Variants in GIGYF1 observed in about 807,000 individuals in gnomAD.
The protein encoded by GIGYF1 is GRB10-interacting GYF protein 1.
In GIGYF1, 84 loss-of-function variants were observed where a neutral mutation model predicts 147.1. The ratio of observed to expected loss-of-function variants is 0.57; its 90% confidence interval spans 0.48 to 0.68. The LOEUF (loss-of-function observed/expected upper bound fraction) is 0.68. Among genes scored for constraint, GIGYF1 ranks in the 30% least tolerant of loss-of-function variants. The pLI, the probability that GIGYF1 is intolerant of heterozygous loss-of-function variation, is 0.00. For synonymous variants in GIGYF1, 752 were observed against 589.5 expected (o/e 1.28, Z -3.99); for missense variants, 1,485 against 1,393.7 (o/e 1.07, Z -1.04).
chr7:100,685,230 G>A (rs1463710028), intron 13 of GIGYF1, 84 bp from the exon 14 acceptor site: 3 of 1,516,618 alleles, frequency 2.0e-6, no homozygotes, highest in Admixed American at 1.9e-5. Flanking sequence ...AGAACACCAC[G>A]CTCTTGCCAT....
Position 100,688,733 on chromosome 7 carries a change from G to A in GIGYF1, c.-276C>T, listed in dbSNP as rs1005730422. ...TGGGAAAGACCCTTAAGGAGAGCAG[G>A]GGGGAGGAGGGAGGGTTCAGGACAT... is the stretch of plus-strand genomic sequence containing the variant. On this transcript the variant is annotated 5_prime_UTR_variant, in exon 2 of 27. Transcript: ENST00000678049. 6.1e-6 allele frequency: 2 copies of A among 328,834 alleles called. No homozygotes were observed. The highest frequency in any genetic ancestry group is 3.9e-5 in the Admixed American group (1 of 25,592). The allele number at this position is 328,834 out of a possible 1,614,324, so 20.4% of individuals were successfully genotyped here. A position where few individuals can be genotyped will look rare whatever the true frequency, so the allele number is the denominator to read the frequency against.
Position 100,681,666 on chromosome 7 carries a change from A to G in GIGYF1, c.*53T>C. 1 of 1,497,344 alleles carries G rather than the reference A, an allele frequency of 6.7e-7. No individual in the cohort carries two copies. The highest frequency in any genetic ancestry group is 8.9e-7 in the Non-Finnish European group (1 of 1,119,444). The allele number at this position is 1,497,344 out of a possible 1,614,324, so 92.8% of individuals were successfully genotyped here. A position where few individuals can be genotyped will look rare whatever the true frequency, so the allele number is the denominator to read the frequency against. ...GCCTGCAGGCTGGGACCCTCGGTCC[A>G]CGCCGCTGTGGCTGCCCTGGCCTAC... On this transcript the variant is annotated 3_prime_UTR_variant, in exon 27 of 27. Coordinates refer to ENST00000678049, the MANE Select transcript of GIGYF1 (RefSeq NM_001375765.1).
rs1383561814 is a variant in GIGYF1 at position 100,688,644 on chromosome 7, G to A, written c.-187C>T. 4.7e-6 allele frequency: 2 copies of A among 427,418 alleles called. No homozygotes were observed. Among genetic ancestry groups the A allele is most frequent in the Admixed American group, 2.8e-5 (1 of 36,362 alleles). The allele number at this position is 427,418 out of a possible 1,614,324, so 26.5% of individuals were successfully genotyped here. On this transcript the variant is annotated 5_prime_UTR_variant, in exon 2 of 27. Coordinates refer to ENST00000678049, the MANE Select transcript of GIGYF1 (RefSeq NM_001375765.1). ...GGCAGGGGCTGGTGCTGGAGTGAAC[G>A]AGGGTACCCAAGCCACTGGGAATTG...
Position 100,693,374 on chromosome 7 carries a change from G to C in GIGYF1, c.-1099+736C>G, listed in dbSNP as rs540382974. Among the ~76,000 whole-genome samples the C allele has an allele frequency of 9.3e-4, 142 of 152,290 alleles. 2 individuals carry two copies. The highest frequency in any genetic ancestry group is 1.3e-3 in the Non-Finnish European group (90 of 68,020). On this transcript the variant is annotated intron_variant, in intron 1 of 26. Transcript: ENST00000678049. ...GCACGGAGGGGCATGAGCTGAGAAG[G>C]GCCTGGCCTGGGACGGGGAGGACAA...
chr7:100,683,952 A>C (rs1805054326), intron 18 of GIGYF1, 34 bp from the exon 19 acceptor site: 8 of 1,564,732 alleles, frequency 5.1e-6, no homozygotes, highest in Non-Finnish European at 6.9e-6. Flanking sequence ...TAGGACCCCA[A>C]ATCCATCTCT....
chr7:100,690,919 G>C (rs965738975), intron 1 of GIGYF1, among the ~76,000 whole-genome samples: 7 of 152,014 alleles, frequency 4.6e-5, no homozygotes, highest in Non-Finnish European at 8.8e-5. Context: ...GGCACACAAA[G>C]GGGGAATGGT....
chr7:100,683,153 C>T lies in GIGYF1; in HGVS notation c.2271G>A (p.Pro757=), dbSNP rs752780672. Residue 757 remains proline (P), a synonymous_variant, in exon 22 of 27, where the codon CCG becomes CCA. Transcript: ENST00000678049. ...AVPVPPAPSS[P]PPLWAGLAKQ... is the part of the protein sequence containing the mutation. ...TGGCCAGGCCAGCCCAGAGTGGGGG[C>T]GGGGAGCTGGGTGCGGGGGGCACAG... 105 of 1,599,174 alleles carry T rather than the reference C, an allele frequency of 6.6e-5. No homozygotes were observed. Among genetic ancestry groups the T allele is most frequent in the Non-Finnish European group, 8.0e-5 (94 of 1,176,754 alleles).
intron 1 of GIGYF1, 145 bp downstream of exon 1, chr7:100,693,965 G>C (rs1483269054): frequency 1.3e-5 from 2 of 150,366 alleles, no homozygotes; most frequent in Admixed American, 6.6e-5. Flanking sequence ...GGGAGGAGAC[G>C]GGGGAGGGTC....
rs772012302 is a variant in GIGYF1 at position 100,682,251 on chromosome 7, A to AGGCTGTCAGGGCCAGGG, written c.2762-17_2762-16insCCCTGGCCCTGACAGCC. 7 of 1,609,056 alleles carry AGGCTGTCAGGGCCAGGG rather than the reference A, an allele frequency of 4.4e-6. No homozygotes were observed. In the South Asian group the frequency reaches 6.6e-5, roughly 15 times the overall value. On this transcript the variant is annotated splice_polypyrimidine_tract_variant and intron_variant, in intron 24 of 26. Coordinates refer to ENST00000678049, the MANE Select transcript of GIGYF1 (RefSeq NM_001375765.1). ...GCCATGGGCACTGCAGGATGAGCGA[A>AGGCTGTCAGGGCCAGGG]GGCTGTCAGGGCCCCCTGGCCGGGT...
rs1805630630 is a variant in GIGYF1, at chr7:100,689,088, AG to A, written c.-632del. The A allele has an allele frequency of 6.5e-6, 1 of 152,698 alleles. No individual in the cohort carries two copies. Among genetic ancestry groups the A allele is most frequent in the African/African-American group, 2.4e-5 (1 of 41,440 alleles). The allele number at this position is 152,698 out of a possible 1,614,324, so 9.5% of individuals were successfully genotyped here. On this transcript the variant is annotated 5_prime_UTR_variant, in exon 2 of 27. Transcript: ENST00000678049. Reference sequence around the variant, plus strand: ...GTTGGCTGCTCAGAAGCTCAAATCCAGGGGCTTGGTCTGGGGAGAAACCCAG... The same window carrying A: ...GTTGGCTGCTCAGAAGCTCAAATCCAGGGCTTGGTCTGGGGAGAAACCCAG...
rs1461077988 is a variant in GIGYF1 at position 100,682,701 on chromosome 7, T to A, written c.2489A>T (p.Lys830Met). The stretch of plus-strand genomic sequence containing the variant: ...CAGGCCGCTGCTGCCGCCCCCACTC[T>A]TGTCTGGCCCGCCCCACAGTGGCCC... ...EAGPLWGGPD[K>M]SGGGSSGLGL... Residue 830 changes from lysine to methionine, a missense_variant, in exon 23 of 27, where the codon AAG becomes ATG. Physicochemically the swap from Lys to Met is moderately conservative, Grantham distance 95. Transcript: ENST00000678049. 1.3e-6 allele frequency: 2 copies of A among 1,592,612 alleles called. No individual in the cohort carries two copies. Among genetic ancestry groups the A allele is most frequent in the African/African-American group, 2.7e-5 (2 of 74,394 alleles).
rs1262110636 is a variant in GIGYF1 at position 100,684,298 on chromosome 7, G to C, written c.1669C>G (p.Leu557Val). The C allele has an allele frequency of 6.2e-7, 1 of 1,602,922 alleles. No homozygotes were observed. Among genetic ancestry groups the C allele is most frequent in the Admixed American group, 1.7e-5 (1 of 58,386 alleles). The change falls in exon 17 of 27, where the codon CTG becomes GTG. Residue 557 changes from leucine (L) to valine (V), a missense_variant. Leu to Val is a conservative substitution (Grantham distance 32). Coordinates refer to ENST00000678049, the MANE Select transcript of GIGYF1 (RefSeq NM_001375765.1). ...DQERLKKQQELAAAALYQQLQ... is the reference protein window; with the variant it reads ...DQERLKKQQEVAAAALYQQLQ... ...TGCTGGTACAAGGCCGCCGCGGCCA[G>C]CTCCTGTTGCTTCTTCAGCCGCTCC... is the stretch of plus-strand genomic sequence containing the variant.
Position 100,683,076 on chromosome 7 carries a change from C to T in GIGYF1, c.2348G>A (p.Arg783Gln), listed in dbSNP as rs529705193. The T allele has an allele frequency of 4.8e-5, 76 of 1,581,568 alleles. No homozygotes were observed. Among genetic ancestry groups the T allele is most frequent in the Middle Eastern group, 1.8e-4 (1 of 5,698 alleles). ...TLLELQLEGE[R>Q]QLHKQPPPRE... ...AGGTGGGGGCTGTTTGTGCAGCTGC[C>T]GCTCGCCCTCCAGCTGCAACTCCAG... The change falls in exon 22 of 27, where the codon CGG (arginine) becomes CAG (glutamine). Residue 783 changes from arginine (R) to glutamine (Q), a missense_variant. Arg to Gln is a conservative substitution (Grantham distance 43). Transcript: ENST00000678049.
intron 1 of GIGYF1, among the ~76,000 whole-genome samples, chr7:100,690,405 G>A (rs1419733128): frequency 1.3e-5 from 2 of 152,196 alleles, no homozygotes; most frequent in African/African-American, 4.8e-5. Flanking sequence ...CACTGTGGGA[G>A]GCTTGAAGAG....
At chr7:100,683,529 A>G in intron 20 of GIGYF1, 21 bp downstream of exon 20, 1 of 1,613,508 alleles carries the variant, frequency 6.2e-7, no homozygotes, top group Non-Finnish European at 8.5e-7. Context: ...CCAGGGCCTC[A>G]GCCCCAGGAT....
intron 10 of GIGYF1, 31 bp downstream of exon 10, chr7:100,686,618 C>A: frequency 6.3e-7 from 1 of 1,588,740 alleles, no homozygotes; most frequent in Non-Finnish European, 8.5e-7. Context: ...TCCCCACTGC[C>A]CCCGCCAATG....
Position 100,681,930 on chromosome 7 carries a change from C to T in GIGYF1, c.2989G>A (p.Gly997Ser), listed in dbSNP as rs140690707. The change falls in exon 26 of 27, where the codon GGC becomes AGC. Residue 997 changes from glycine (G) to serine (S), a missense_variant. Physicochemically the swap from Gly to Ser is moderately conservative, Grantham distance 56 (BLOSUM62 0). Coordinates refer to ENST00000678049, the MANE Select transcript of GIGYF1 (RefSeq NM_001375765.1). ...TTGGCCTTGCTGCCCTCCCCGGGGCCGAGTTTGGTGCTGTGGTTGGCCTGG... is the reference window on the plus strand; with the variant it reads ...TTGGCCTTGCTGCCCTCCCCGGGGCTGAGTTTGGTGCTGTGGTTGGCCTGG... ...AFQANHSTKL[G>S]PGEGSKAKRR... 151 of 1,610,300 alleles carry T rather than the reference C, an allele frequency of 9.4e-5. No individual in the cohort carries two copies. Among genetic ancestry groups the T allele is most frequent in the East Asian group, 4.0e-4 (18 of 44,880 alleles).
intron 1 of GIGYF1, among the ~76,000 whole-genome samples, chr7:100,690,597 C>T (rs1324321756): frequency 2.6e-5 from 4 of 152,116 alleles, no homozygotes; most frequent in African/African-American, 7.2e-5. Flanking sequence ...GCCTGGCCAA[C>T]GTGGCAAAAC....
chr7:100,686,289 G>A lies in GIGYF1; in HGVS notation c.839C>T (p.Ala280Val), dbSNP rs761759094. Residue 280 changes from alanine to valine, a missense_variant, in exon 11 of 27, where the codon GCG (alanine) becomes GTG (valine). Physicochemically the swap from Ala to Val is moderately conservative, Grantham distance 64. Transcript: ENST00000678049. ...CTTGTCCTCCTCAAAGCCTTCAGGCGCTCGGCACCGCCGCAGGTGAGAGCT... is the reference window on the plus strand; with the variant it reads ...CTTGTCCTCCTCAAAGCCTTCAGGCACTCGGCACCGCCGCAGGTGAGAGCT... ...GGSSHLRRCR[A>V]PEGFEEDKDG... The A allele has an allele frequency of 7.4e-6, 12 of 1,613,850 alleles. No individual in the cohort carries two copies. Among genetic ancestry groups the A allele is most frequent in the African/African-American group, 1.3e-5 (1 of 74,886 alleles).
Sources: gnomAD v4.1 joint callset for allele counts (sites outside exome capture counted in the v4.1 genomes callset) on GRCh38, gnomAD v4.1.1 for gene constraint, MANE v1.5 for transcripts, NCBI Gene and HGNC (gene_info 2026-07-23, HGNC 2026-07-21) for gene names.